Variants in THPO observed in about 807,000 individuals in gnomAD.
THPO encodes thrombopoietin, also known as MPL ligand.
THPO carries 12 observed loss-of-function variants against 17.0 expected under a neutral mutation model. The observed-to-expected ratio is 0.71, with a 90% CI of 0.45 to 1.14. THPO has a LOEUF of 1.14. Ranked by LOEUF, THPO falls within the 50% of genes most tolerant of loss-of-function variation. The pLI, the probability that THPO is intolerant of heterozygous loss-of-function variation, is 0.00. For synonymous variants in THPO, 188 were observed against 183.0 expected (o/e 1.03, Z -0.22); for missense variants, 365 against 427.5 (o/e 0.85, Z 1.29).
upstream of THPO, chr3:184,378,693 T>C: frequency 3.1e-6 from 2 of 644,152 alleles, no homozygotes; most frequent in Non-Finnish European, 3.9e-6. Context: ...TTTGGACGGG[T>C]TGAGTGGACT....
Position 184,376,253 on chromosome 3 carries a change from G to T in THPO, c.7C>A (p.Leu3Met). Reference protein sequence around the residue: MELTELLLVVMLL... With the variant: MEMTELLLVVMLL... ...CCCTCAGGTGTGTTCTCACCAGTCA[G>T]CTCCATTCTGGCCGGGGTGTCTGGC... The change falls in exon 2 of 6, where the codon CTG becomes ATG. Residue 3 changes from leucine (L) to methionine (M), a missense_variant. Coordinates refer to ENST00000647395, the MANE Select transcript of THPO (RefSeq NM_000460.4). 1 of 1,614,160 alleles carries T rather than the reference G, an allele frequency of 6.2e-7. No individual in the cohort carries two copies. The highest frequency in any genetic ancestry group is 1.6e-4 in the Middle Eastern group (1 of 6,062).
Position 184,373,544 on chromosome 3 carries a change from G to C in THPO, c.267C>G (p.Thr89=), listed in dbSNP as rs766445496. 1.2e-6 allele frequency: 2 copies of C among 1,614,024 alleles called. No homozygotes were observed. Among genetic ancestry groups the C allele is most frequent in the Non-Finnish European group, 1.7e-6 (2 of 1,180,032 alleles). Residue 89 remains threonine (T), a synonymous_variant, in exon 5 of 6, where the codon ACC becomes ACG. Transcript: ENST00000647395. ...TKAQDILGAV[T]LLLEGVMAAR... is the part of the protein sequence containing the mutation. ...CTGCCATCACTCCCTCCAGCAGAAG[G>C]GTCACTGCTCCCAGAATGTCCTGTG...
Position 184,373,146 on chromosome 3 carries a change from C to T in THPO, c.429G>A (p.Lys143=), listed in dbSNP as rs1577355860. 1 of 1,612,958 alleles carries T rather than the reference C, an allele frequency of 6.2e-7. No individual in the cohort carries two copies. Among genetic ancestry groups the T allele is most frequent in the South Asian group, 1.1e-5 (1 of 91,082 alleles). The change falls in exon 6 of 6, where the codon AAG becomes AAA. Residue 143 remains lysine (K), a synonymous_variant. Coordinates refer to ENST00000647395, the MANE Select transcript of THPO (RefSeq NM_000460.4). ...AGCTCAGGAAGATGGCATTGGGATC[C>T]TTGTGAGCTGTGGTCCTGCCCTGTG... ...LPPQGRTTAH[K]DPNAIFLSFQ...
chr3:184,372,504 C>A lies in THPO; in HGVS notation c.*9G>T, dbSNP rs375561267. On this transcript the variant is annotated 3_prime_UTR_variant, in exon 6 of 6. Transcript: ENST00000647395. ...GAGACAATGCTGATGTCGGCAGTGT[C>A]TGAGAACCTTACCCTTCCTGAGACA... 12 of 1,613,926 alleles carry A rather than the reference C, an allele frequency of 7.4e-6. No individual in the cohort carries two copies. In the African/African-American group the frequency reaches 1.5e-4, roughly 20 times the overall value.
intron 4 of THPO, 98 bp downstream of exon 4, chr3:184,375,417 A>G (rs1472800911): frequency 1.5e-5 from 20 of 1,318,214 alleles, no homozygotes; most frequent in Non-Finnish European, 2.1e-5. Flanking sequence ...AAGGTGAGAT[A>G]TTTTTAAAAA....
chr3:184,377,252 G>A (rs902421383), intron 1 of THPO, among the ~76,000 whole-genome samples: 1 of 152,062 alleles, frequency 6.6e-6, no homozygotes, highest in Admixed American at 6.5e-5. Context: ...AGGCGGTATG[G>A]GAGAAATTAA....
rs557630635 is a variant in THPO at position 184,374,830 on chromosome 3, C to T, written c.228+685G>A. On this transcript the variant is annotated intron_variant, in intron 4 of 5. Coordinates refer to ENST00000647395, the MANE Select transcript of THPO (RefSeq NM_000460.4). ...TGAGACGGAGTTTTGCTCTTGTCACCCAGGCTGGAGTGCATTGGCATGATC... is the reference window on the plus strand; with the variant it reads ...TGAGACGGAGTTTTGCTCTTGTCACTCAGGCTGGAGTGCATTGGCATGATC... Among the ~76,000 whole-genome samples, 8 of 152,216 alleles carry T rather than the reference C, an allele frequency of 5.3e-5. No individual in the cohort carries two copies. The South Asian group carries it at 1.7e-3, about 32-fold the overall frequency.
Position 184,376,335 on chromosome 3 carries a change from C to A in THPO, c.-76G>T. On this transcript the variant is annotated 5_prime_UTR_variant, in exon 2 of 6. Transcript: ENST00000647395. Reference sequence around the variant, plus strand: ...TGAATCCTTCCTGGGGCCATGGAGGCGGCTTAGGCTCTTGCACTTCTGGGC... The same window carrying A: ...TGAATCCTTCCTGGGGCCATGGAGGAGGCTTAGGCTCTTGCACTTCTGGGC... The A allele has an allele frequency of 6.2e-7, 1 of 1,613,992 alleles. No homozygotes were observed. The highest frequency in any genetic ancestry group is 8.5e-7 in the Non-Finnish European group (1 of 1,179,982).
At chr3:184,376,077 G>T (rs932425657) in intron 2 of THPO, 62 bp from the exon 3 acceptor site, 1 of 1,613,574 alleles carries the variant, frequency 6.2e-7, no homozygotes, top group African/African-American at 1.3e-5. Context: ...TGGTATTCCA[G>T]GAATTCCCAT....
At chr3:184,374,641 G>A (rs1355015825) in intron 4 of THPO, among the ~76,000 whole-genome samples, 2 of 152,182 alleles carry the variant, frequency 1.3e-5, no homozygotes, top group Non-Finnish European at 2.9e-5. Flanking sequence ...AGCAGCTTCA[G>A]TAATGTTACA....
chr3:184,379,093 A>G (rs1315713896), upstream of THPO, among the ~76,000 whole-genome samples: 4 of 152,190 alleles, frequency 2.6e-5, no homozygotes, highest in Non-Finnish European at 5.9e-5. Flanking sequence ...GAACTTCCTC[A>G]GGCTCTCTCC....
At chr3:184,377,813 C>CA (rs1005693152) in intron 1 of THPO, among the ~76,000 whole-genome samples, 12 of 152,214 alleles carry the variant, frequency 7.9e-5, no homozygotes, top group Non-Finnish European at 1.6e-4. Flanking sequence ...TATTTTCTCC[C>CA]TGGGCTCATG....
At chr3:184,377,288 C>A (rs537390958) in intron 1 of THPO, among the ~76,000 whole-genome samples, 40 of 152,298 alleles carry the variant, frequency 2.6e-4, no homozygotes, top group Admixed American at 7.2e-4. Context: ...TATCTACCCC[C>A]ACACATAAAG....
Position 184,376,107 on chromosome 3 carries a change from C to T in THPO, c.14-92G>A. ...TCCCATTCAGGACCCAGACCTGAAA[C>T]CCAGGGAATCCACCCCTCAGACCCC... On this transcript the variant is annotated intron_variant, in intron 2 of 5. Transcript: ENST00000647395. 6.2e-7 allele frequency: 1 copy of T among 1,610,816 alleles called. No homozygotes were observed. Among genetic ancestry groups the T allele is most frequent in the South Asian group, 1.1e-5 (1 of 90,834 alleles).
In THPO at chr3:184,376,426, A is replaced by G. The variant is rs1577362404; in HGVS notation, c.-145-22T>C. Reference sequence around the variant, plus strand: ...TATCCTGAAAGTAGCAAGAAGAGTGAACATTTAACCAAGTTTCTAGGAAGA... The same window carrying G: ...TATCCTGAAAGTAGCAAGAAGAGTGGACATTTAACCAAGTTTCTAGGAAGA... On this transcript the variant is annotated intron_variant, in intron 1 of 5. Coordinates refer to ENST00000647395, the MANE Select transcript of THPO (RefSeq NM_000460.4). 5 of 1,539,752 alleles carry G rather than the reference A, an allele frequency of 3.2e-6. No homozygotes were observed. In the East Asian group the frequency reaches 1.2e-4, roughly 36 times the overall value.
rs6141 is a variant in THPO, at chr3:184,372,478, C to G, written c.*35G>C. 6 of 1,613,186 alleles carry G rather than the reference C, an allele frequency of 3.7e-6. No individual in the cohort carries two copies. The highest frequency in any genetic ancestry group is 2.2e-5 in the South Asian group (2 of 91,022). ...GCCCTGCAGGGAAGGGAGCTGTACACGAGACAATGCTGATGTCGGCAGTGT... is the reference window on the plus strand; with the variant it reads ...GCCCTGCAGGGAAGGGAGCTGTACAGGAGACAATGCTGATGTCGGCAGTGT... On this transcript the variant is annotated 3_prime_UTR_variant, in exon 6 of 6. Coordinates refer to ENST00000647395, the MANE Select transcript of THPO (RefSeq NM_000460.4).
chr3:184,378,443 G>A, upstream of THPO: 1 of 966,294 alleles, frequency 1.0e-6, no homozygotes, highest in Non-Finnish European at 1.2e-6. Context: ...GTGTTGCTGG[G>A]GAAGAAGCAC....
intron 1 of THPO, among the ~76,000 whole-genome samples, chr3:184,376,664 G>C (rs911519578): frequency 6.6e-6 from 1 of 152,112 alleles, no homozygotes; most frequent in Non-Finnish European, 1.5e-5. Flanking sequence ...CACTAACATG[G>C]TGAAACCCCG....
upstream of THPO, among the ~76,000 whole-genome samples, chr3:184,378,563 T>G (rs1170131898): frequency 6.6e-6 from 1 of 152,250 alleles, no homozygotes; most frequent in African/African-American, 2.4e-5. Context: ...GCTTTCCTGC[T>G]TTTCTTTCTG....
Sources: gnomAD v4.1 joint callset for allele counts (sites outside exome capture counted in the v4.1 genomes callset) on GRCh38, gnomAD v4.1.1 for gene constraint, MANE v1.5 for transcripts, NCBI Gene and HGNC (gene_info 2026-07-23, HGNC 2026-07-21) for gene names.